The following DNAAF4 variants were observed in gnomAD, a reference collection of about 807,000 sequenced individuals.
The protein encoded by DNAAF4 is dynein assembly factor 4, axonemal.
DNAAF4 carries 43 observed loss-of-function variants against 51.8 expected under a neutral mutation model. The ratio of observed to expected loss-of-function variants is 0.83; its 90% CI spans 0.65 to 1.07. DNAAF4 has a LOEUF of 1.07. DNAAF4 is among the 50% of genes least tolerant of loss of function. The probability of loss-of-function intolerance (pLI) is 0.00; values close to 1 mark genes in which losing one functional copy is unlikely to be tolerated. For missense variants in DNAAF4, 581 were observed against 493.0 expected (o/e 1.18, Z -1.69); for synonymous variants, 194 against 165.6 (o/e 1.17, Z -1.32).
chr15:55,491,680 T>A (rs572828117), intron 3 of DNAAF4, among the ~76,000 whole-genome samples: 2 of 120,192 alleles, frequency 1.7e-5, no homozygotes, highest in South Asian at 2.6e-4. Flanking sequence ...TAGATAATAT[T>A]ATATTATTAT....
At chr15:55,439,869 C>T (rs1173746481) in intron 6 of DNAAF4, among the ~76,000 whole-genome samples, 2 of 152,122 alleles carry the variant, frequency 1.3e-5, no homozygotes, top group Non-Finnish European at 2.9e-5. Context: ...AGAGCTCCCC[C>T]ATGTGGACAC....
intron 5 of DNAAF4, among the ~76,000 whole-genome samples, chr15:55,458,522 C>A (rs1050515438): frequency 3.9e-5 from 6 of 152,084 alleles, no homozygotes; most frequent in African/African-American, 1.4e-4. Context: ...ATGAACAAAG[C>A]CTCCAAGAAA....
intron 4 of DNAAF4, among the ~76,000 whole-genome samples, chr15:55,489,150 A>G (rs963037698): frequency 1.3e-5 from 2 of 152,074 alleles, no homozygotes; most frequent in Non-Finnish European, 2.9e-5. Flanking sequence ...CTGCTGGTCA[A>G]CTGTTCTGTT....
intron 7 of DNAAF4, among the ~76,000 whole-genome samples, chr15:55,421,661 C>T (rs967468209): frequency 1.3e-5 from 2 of 151,680 alleles, no homozygotes; most frequent in African/African-American, 4.8e-5. Flanking sequence ...CTGAGGCAGG[C>T]AGATCACCTA....
At chr15:55,439,400 A>G in intron 7 of DNAAF4, 72 bp downstream of exon 7, 1 of 1,321,874 alleles carries the variant, frequency 7.6e-7, no homozygotes, top group African/African-American at 1.4e-5. Flanking sequence ...ATGAGCCACC[A>G]TACTCGTCCT....
chr15:55,433,917 T>TATA (rs2057551685), intron 8 of DNAAF4, among the ~76,000 whole-genome samples: 11 of 36,226 alleles, frequency 3.0e-4, no homozygotes, highest in East Asian at 1.3e-3. Context: ...TATATAATTA[T>TATA]ATATATTATA....
downstream of DNAAF4, among the ~76,000 whole-genome samples, chr15:55,429,439 A>T (rs1255570531): frequency 5.3e-5 from 8 of 150,060 alleles, no homozygotes; most frequent in African/African-American, 2.0e-4. Context: ...AATCCCTTAA[A>T]CCTGGGAGGT....
chr15:55,487,992 A>G (rs2058516259), intron 4 of DNAAF4, among the ~76,000 whole-genome samples: 1 of 152,150 alleles, frequency 6.6e-6, no homozygotes, highest in Admixed American at 6.5e-5. Context: ...GCACTTCTGC[A>G]ATGAGGTTTT....
intron 9 of DNAAF4, among the ~76,000 whole-genome samples, chr15:55,431,947 G>C (rs1355728414): frequency 6.6e-6 from 1 of 151,892 alleles, no homozygotes; most frequent in Non-Finnish European, 1.5e-5. Context: ...AGAGTTGTCT[G>C]GTAATATAGC....
Position 55,446,307 on chromosome 15 carries a change from G to GA in DNAAF4, c.783+3914_783+3915insT, listed in dbSNP as rs1320967827. On this transcript the variant is annotated intron_variant, in intron 6 of 9. Transcript: ENST00000321149. ...CCTCACATCCCAGACGGGGGGGGGGGGCAGCTGGGCAGAGGCACTCCTCAC... is the reference window on the plus strand; with the variant it reads ...CCTCACATCCCAGACGGGGGGGGGGGAGCAGCTGGGCAGAGGCACTCCTCAC... Among the ~76,000 whole-genome samples, 21 of 117,360 alleles carry GA rather than the reference G, an allele frequency of 1.8e-4. 2 individuals carry two copies. The highest frequency in any genetic ancestry group is 9.2e-4 in the South Asian group (3 of 3,250). 77.0% of individuals were successfully genotyped at this position (117,360 alleles called of 152,430 possible).
Position 55,432,546 on chromosome 15 carries a change from T to C in DNAAF4, c.1104A>G (p.Ala368=). The change falls in exon 9 of 10, where the codon GCA becomes GCG. Residue 368 remains alanine (A), a synonymous_variant. Transcript: ENST00000321149. The part of the protein sequence containing the change: ...VTDNANARMK[A]HVRRGTAFCQ... Reference sequence around the variant, plus strand: ...AGAATGCTGTTCCACGTCGTACATGTGCCTTCATTCTTGCATTAGCATTGT... The same window carrying C: ...AGAATGCTGTTCCACGTCGTACATGCGCCTTCATTCTTGCATTAGCATTGT... 2 of 1,612,980 alleles carry C rather than the reference T, an allele frequency of 1.2e-6. No homozygotes were observed. The highest frequency in any genetic ancestry group is 8.5e-7 in the Non-Finnish European group (1 of 1,179,218).
chr15:55,442,444 A>G (rs947899829), intron 6 of DNAAF4, among the ~76,000 whole-genome samples: 2 of 152,156 alleles, frequency 1.3e-5, no homozygotes, highest in Admixed American at 6.5e-5. Flanking sequence ...TGCTCGCAGG[A>G]AGTGTTTCTG....
chr15:55,490,847 A>G (rs960288016), intron 4 of DNAAF4, among the ~76,000 whole-genome samples: 1 of 152,104 alleles, frequency 6.6e-6, no homozygotes, highest in African/African-American at 2.4e-5. Flanking sequence ...CCAGCTACTC[A>G]GGAGGCTGAG....
intron 4 of DNAAF4, among the ~76,000 whole-genome samples, chr15:55,476,139 T>C (rs915172734): frequency 6.6e-6 from 1 of 152,202 alleles, no homozygotes; most frequent in Non-Finnish European, 1.5e-5. Flanking sequence ...AGTATGTTGC[T>C]AATAGACCTG....
At chr15:55,470,748 C>T (rs890505165) in intron 4 of DNAAF4, among the ~76,000 whole-genome samples, 4 of 151,236 alleles carry the variant, frequency 2.6e-5, no homozygotes, top group East Asian at 2.0e-4. Context: ...TTTTCCCTTG[C>T]TGCCCAGGCT....
intron 7 of DNAAF4, chr15:55,418,620 G>A (rs578014937): frequency 8.2e-7 from 1 of 1,226,766 alleles, no homozygotes; most frequent in East Asian, 2.6e-5. Context: ...GGAAAAATGA[G>A]TGTTAAATCT....
rs1310602340 is a variant in DNAAF4, at chr15:55,418,636, T to C, written c.1048-503A>G. 4 of 1,060,948 alleles carry C rather than the reference T, an allele frequency of 3.8e-6. No homozygotes were observed. In the Admixed American group the frequency reaches 9.8e-5, roughly 26 times the overall value. 65.7% of individuals were successfully genotyped at this position (1,060,948 alleles called of 1,614,324 possible). A position where few individuals can be genotyped will look rare whatever the true frequency, so the allele number is the denominator to read the frequency against. On this transcript the variant is annotated intron_variant, in intron 7 of 7. Coordinates refer to the DNAAF4 transcript ENST00000448430. ...GAAAAATGAGTGTTAAATCTAAGGG[T>C]AGAATACCTAATAAAGAAGATAAAA...
At chr15:55,425,426 C>T (rs189092538), downstream of DNAAF4, among the ~76,000 whole-genome samples, 2 of 152,322 alleles carry the variant, frequency 1.3e-5, no homozygotes, top group African/African-American at 4.8e-5. Flanking sequence ...CCAACCTACT[C>T]CTTGGCTATA....
At chr15:55,417,920 C>CACA (rs2141375856) in exon 8 of DNAAF4, 1 of 501,836 alleles carries the variant, frequency 2.0e-6, no homozygotes, top group Non-Finnish European at 3.5e-6. Context: ...GGGCAGGGGT[C>CACA]ACAAGGTGCT....
Sources: gnomAD v4.1 joint callset for allele counts (sites outside exome capture counted in the v4.1 genomes callset) on GRCh38, gnomAD v4.1.1 for gene constraint, MANE v1.5 for transcripts, NCBI Gene and HGNC (gene_info 2026-07-23, HGNC 2026-07-21) for gene names.